Variants in IQCJ observed in about 807,000 individuals in gnomAD.
The protein encoded by IQCJ is IQ domain-containing protein J.
IQCJ carries 9 observed loss-of-function variants against 11.0 expected under a neutral mutation model. The observed-to-expected ratio is 0.82, with a 90% CI of 0.49 to 1.43. IQCJ has a LOEUF of 1.43. Among genes scored for constraint, IQCJ ranks in the 40% most tolerant of loss-of-function variants. The probability of loss-of-function intolerance (pLI) is 0.00; values close to 1 mark genes in which losing one functional copy is unlikely to be tolerated. For synonymous variants in IQCJ, 55 were observed against 51.3 expected (o/e 1.07, Z -0.31); for missense variants, 146 against 133.2 (o/e 1.10, Z -0.47).
rs77658486 is a variant in IQCJ at position 159,263,619 on chromosome 3, G to C, written c.*888G>C. ...TTCCAAAAATTTTTCTTTTACTTTT[G>C]GTTATCATGTTTATTCTGTGGTAAA... On this transcript the variant is annotated 3_prime_UTR_variant, in exon 4 of 4. Transcript: ENST00000397832. The C allele has an allele frequency of 1.0e-6, 1 of 984,920 alleles. No individual in the cohort carries two copies. Among genetic ancestry groups the C allele is most frequent in the African/African-American group, 1.7e-5 (1 of 57,174 alleles). The allele number at this position is 984,920 out of a possible 1,614,324, so 61.0% of individuals were successfully genotyped here. A position where few individuals can be genotyped will look rare whatever the true frequency, so the allele number is the denominator to read the frequency against.
chr3:159,232,952 A>G (rs1726351061), intron 1 of IQCJ, among the ~76,000 whole-genome samples: 1 of 152,208 alleles, frequency 6.6e-6, no homozygotes, highest in African/African-American at 2.4e-5. Context: ...ATAGGACTTA[A>G]CATCCAGGTA....
intron 1 of IQCJ, among the ~76,000 whole-genome samples, chr3:159,213,766 T>C (rs746758400): frequency 3.3e-5 from 5 of 152,198 alleles, no homozygotes; most frequent in African/African-American, 4.8e-5. Context: ...TTCCTAAATC[T>C]TAGATTCAAT....
intron 1 of IQCJ, among the ~76,000 whole-genome samples, chr3:159,216,475 C>T (rs1343717841): frequency 6.6e-6 from 1 of 152,158 alleles, no homozygotes; most frequent in Admixed American, 6.6e-5. Context: ...TTGCCAGCAA[C>T]ACCATCAGTC....
intron 1 of IQCJ, among the ~76,000 whole-genome samples, chr3:159,226,007 G>A (rs1306036813): frequency 6.6e-6 from 1 of 152,146 alleles, no homozygotes; most frequent in Non-Finnish European, 1.5e-5. Context: ...TAGCCAAATA[G>A]AAGAGATGCA....
At chr3:159,219,641 A>G (rs935891366) in intron 1 of IQCJ, among the ~76,000 whole-genome samples, 3 of 152,224 alleles carry the variant, frequency 2.0e-5, no homozygotes, top group African/African-American at 4.8e-5. Context: ...ATGGTTTTAT[A>G]GTAAAAATAT....
At chr3:159,219,121 A>C (rs1399880258) in intron 1 of IQCJ, among the ~76,000 whole-genome samples, 3 of 152,094 alleles carry the variant, frequency 2.0e-5, no homozygotes, top group Non-Finnish European at 4.4e-5. Context: ...TCTTTTTGCC[A>C]TGTAAGGTAC....
chr3:159,248,774 G>A (rs1034522183), intron 2 of IQCJ, among the ~76,000 whole-genome samples: 1 of 152,070 alleles, frequency 6.6e-6, no homozygotes, highest in African/African-American at 2.4e-5. Flanking sequence ...ATCTCCTCAT[G>A]CAGCTTAATT....
Position 159,073,012 on chromosome 3 carries a change from G to C in IQCJ, c.9+3571G>C, listed in dbSNP as rs555189499. Among the ~76,000 whole-genome samples, 151 of 152,206 alleles carry C rather than the reference G, an allele frequency of 9.9e-4. 2 individuals are homozygous for C. The South Asian group carries it at 0.03, about 30-fold the overall frequency. On this transcript the variant is annotated intron_variant, in intron 1 of 3. Coordinates refer to ENST00000397832, the MANE Select transcript of IQCJ (RefSeq NM_001042706.3). ...TTAGTAGTGCAAGTGGTTTATTTGA[G>C]AGTAAAGACAAATGGGGAAGGAAGC...
At chr3:159,102,321 TTA>T (rs1301542917) in intron 1 of IQCJ, among the ~76,000 whole-genome samples, 2 of 152,224 alleles carry the variant, frequency 1.3e-5, no homozygotes, top group African/African-American at 4.8e-5. Flanking sequence ...GGTAATAGTA[TTA>T]TCCTTCTAAG....
At chr3:159,124,245 T>G (rs1483811064) in intron 1 of IQCJ, among the ~76,000 whole-genome samples, 1 of 152,184 alleles carries the variant, frequency 6.6e-6, no homozygotes, top group Non-Finnish European at 1.5e-5. Context: ...ATGGATTTAC[T>G]GCAGGAGCTT....
intron 3 of IQCJ, among the ~76,000 whole-genome samples, chr3:159,256,844 C>T (rs1277364329): frequency 6.6e-6 from 1 of 152,094 alleles, no homozygotes; most frequent in Non-Finnish European, 1.5e-5. Context: ...ATGTCCTTTC[C>T]TTAAGTAATT....
chr3:159,150,628 C>T (rs764415238), intron 1 of IQCJ, among the ~76,000 whole-genome samples: 4 of 149,156 alleles, frequency 2.7e-5, no homozygotes, highest in Non-Finnish European at 4.4e-5. Context: ...ATTCTGGGGG[C>T]TGTGCTTCTG....
At chr3:159,079,465 A>G (rs1209890829) in intron 1 of IQCJ, among the ~76,000 whole-genome samples, 1 of 152,158 alleles carries the variant, frequency 6.6e-6, no homozygotes, top group East Asian at 1.9e-4. Context: ...AAAGTATTTT[A>G]CTAATTTCTC....
intron 1 of IQCJ, among the ~76,000 whole-genome samples, chr3:159,219,128 G>T (rs186866107): frequency 1.3e-5 from 2 of 152,046 alleles, no homozygotes; most frequent in Admixed American, 6.6e-5. Context: ...GCCATGTAAG[G>T]TACCAAATTC....
At chr3:159,130,860 GT>G (rs910010856) in intron 1 of IQCJ, among the ~76,000 whole-genome samples, 2 of 151,988 alleles carry the variant, frequency 1.3e-5, no homozygotes, top group Non-Finnish European at 2.9e-5. Context: ...TAGTTTTTTT[GT>G]TTGTTTATTG....
intron 1 of IQCJ, among the ~76,000 whole-genome samples, chr3:159,189,293 G>T (rs1448913332): frequency 6.6e-6 from 1 of 152,176 alleles, no homozygotes; most frequent in Non-Finnish European, 1.5e-5. Context: ...AGATATATTT[G>T]CATTTTTCAT....
At chr3:159,143,020 G>C (rs1198671785) in intron 1 of IQCJ, among the ~76,000 whole-genome samples, 2 of 152,254 alleles carry the variant, frequency 1.3e-5, no homozygotes, top group Admixed American at 1.3e-4. Context: ...ACAAAATCCA[G>C]TCACATTTGG....
intron 1 of IQCJ, among the ~76,000 whole-genome samples, chr3:159,188,447 AC>A (rs1319671806): frequency 1.3e-5 from 2 of 152,054 alleles, no homozygotes; most frequent in Non-Finnish European, 2.9e-5. Context: ...AAACAAAAAA[AC>A]AACAAAAATT....
At chr3:159,222,965 T>C (rs181028546) in intron 1 of IQCJ, among the ~76,000 whole-genome samples, 3 of 152,142 alleles carry the variant, frequency 2.0e-5, no homozygotes, top group Admixed American at 2.0e-4. Flanking sequence ...AGAAAGTGTA[T>C]GTGACTTAGG....
Sources: allele counts gnomAD v4.1 joint callset (sites outside exome capture counted in the v4.1 genomes callset), GRCh38; gene constraint gnomAD v4.1.1; transcripts MANE v1.5; gene names NCBI Gene and HGNC (gene_info 2026-07-23, HGNC 2026-07-21).